Variants in SORCS2 observed in about 807,000 individuals in gnomAD.
SORCS2 encodes the protein VPS10 domain-containing receptor SorCS2.
SORCS2 carries 100 observed loss-of-function variants against 141.6 expected under a neutral mutation model. That is an observed-to-expected ratio of 0.71 (90% CI 0.60 to 0.83). The LOEUF (loss-of-function observed/expected upper bound fraction) is 0.83. Ranked by LOEUF, SORCS2 falls within the 40% of genes least tolerant of loss-of-function variation. The probability of loss-of-function intolerance (pLI) is 0.00; values close to 1 mark genes in which losing one functional copy is unlikely to be tolerated. For synonymous variants in SORCS2, 789 were observed against 676.9 expected, an observed-to-expected ratio of 1.17 and a Z score of -2.57; for missense variants, 1,646 against 1,560.2, an observed-to-expected ratio of 1.05 and a Z score of -0.93.
At chr4:7,535,075 G>C (rs973020014) in intron 3 of SORCS2, among the ~76,000 whole-genome samples, 4 of 152,348 alleles carry the variant, frequency 2.6e-5, no homozygotes, top group African/African-American at 9.6e-5. Flanking sequence ...TTGGACCCCA[G>C]GTGGCAGGAG....
intron 25 of SORCS2, 124 bp from the exon 26 acceptor site, chr4:7,736,945 C>G: frequency 7.8e-7 from 1 of 1,285,936 alleles, no homozygotes; most frequent in Non-Finnish European, 1.1e-6. Flanking sequence ...GGGGTAGGCA[C>G]CTCTGGAGTG....
At chr4:7,693,270 C>T (rs1386732017) in intron 11 of SORCS2, among the ~76,000 whole-genome samples, 2 of 152,180 alleles carry the variant, frequency 1.3e-5, no homozygotes, top group African/African-American at 2.4e-5. Context: ...TGAGTTATAC[C>T]CTGTGAGATC....
At chr4:7,581,226 ATATAAAT>A (rs1716121538) in intron 3 of SORCS2, among the ~76,000 whole-genome samples, 1 of 151,526 alleles carries the variant, frequency 6.6e-6, no homozygotes, top group Non-Finnish European at 1.5e-5. Context: ...GTACAGAAAA[ATATAAAT>A]TATAATATAA....
At chr4:7,323,818 A>G (rs1358189645) in intron 1 of SORCS2, among the ~76,000 whole-genome samples, 1 of 151,082 alleles carries the variant, frequency 6.6e-6, no homozygotes, top group Admixed American at 6.6e-5. Context: ...ATCTCCCAGG[A>G]ATCCTGGGAG....
chr4:7,302,453 G>A (rs1034440153), intron 1 of SORCS2, among the ~76,000 whole-genome samples: 9 of 152,118 alleles, frequency 5.9e-5, no homozygotes, highest in African/African-American at 1.7e-4. Flanking sequence ...TGCCCAGAAC[G>A]CCCTCCCTGC....
intron 2 of SORCS2, among the ~76,000 whole-genome samples, chr4:7,412,728 G>C (rs1156328296): frequency 6.6e-6 from 1 of 151,856 alleles, no homozygotes; most frequent in South Asian, 2.1e-4. Context: ...CCTCCTGCTG[G>C]GTCTCCCCAA....
intron 2 of SORCS2, among the ~76,000 whole-genome samples, chr4:7,448,486 TCTCCC>T: frequency 4.1e-5 from 1 of 24,170 alleles, no homozygotes; most frequent in Non-Finnish European, 1.9e-4. Flanking sequence ...TTCTTCCATG[TCTCCC>T]TTCCTTTCCT....
intron 15 of SORCS2, 39 bp downstream of exon 15, chr4:7,712,892 C>G (rs1383095975): frequency 1.9e-6 from 3 of 1,609,204 alleles, no homozygotes; most frequent in Non-Finnish European, 2.5e-6. Flanking sequence ...AGGTGGGGTA[C>G]AGACTGCAAA....
chr4:7,197,460 A>G (rs1305934664), intron 1 of SORCS2, among the ~76,000 whole-genome samples: 1 of 152,134 alleles, frequency 6.6e-6, no homozygotes, highest in East Asian at 1.9e-4. Context: ...AACAGCTAGG[A>G]TATGAGGGGG....
At chr4:7,408,248 A>G (rs1725096968) in intron 2 of SORCS2, among the ~76,000 whole-genome samples, 1 of 150,100 alleles carries the variant, frequency 6.7e-6, no homozygotes, top group Admixed American at 6.6e-5. Flanking sequence ...TTTCAGATGG[A>G]AAAACTCCCT....
intron 12 of SORCS2, 149 bp from the exon 13 acceptor site, chr4:7,703,131 G>C: frequency 3.3e-6 from 2 of 602,504 alleles, no homozygotes; most frequent in South Asian, 4.3e-5. Flanking sequence ...GGATGGCCCG[G>C]GACATGCAGG....
chr4:7,446,116 A>C (rs1727975744), intron 2 of SORCS2, among the ~76,000 whole-genome samples: 1 of 151,148 alleles, frequency 6.6e-6, no homozygotes. Flanking sequence ...GGTTGAGCTT[A>C]AAGCCAATGA....
rs755807399 is a variant in SORCS2 at position 7,233,397 on chromosome 4, G to A, written c.480+40271G>A. ...CCAGGGCAGACGTAGCCCTCATCACGTCCTCCACAGCCTCCACAGCAGCCC... is the reference window on the plus strand; with the variant it reads ...CCAGGGCAGACGTAGCCCTCATCACATCCTCCACAGCCTCCACAGCAGCCC... On this transcript the variant is annotated intron_variant, in intron 1 of 26. Transcript: ENST00000507866. The surrounding 1 kb of genome is among the most constrained non-coding windows in gnomAD (Gnocchi z 4.5). Among the ~76,000 whole-genome samples the A allele has an allele frequency of 2.6e-5, 4 of 152,146 alleles. No individual in the cohort carries two copies. Among genetic ancestry groups the A allele is most frequent in the Non-Finnish European group, 2.9e-5 (2 of 68,026 alleles).
intron 1 of SORCS2, among the ~76,000 whole-genome samples, chr4:7,338,740 G>A (rs1048717164): frequency 6.6e-6 from 1 of 152,182 alleles, no homozygotes; most frequent in Non-Finnish European, 1.5e-5. Flanking sequence ...TTTATGTGGT[G>A]CCTCCATCAC....
rs995303619 is a variant in SORCS2 at position 7,676,156 on chromosome 4, G to A, written c.1268G>A (p.Arg423His). The A allele has an allele frequency of 1.8e-5, 28 of 1,561,550 alleles. No homozygotes were observed. The highest frequency in any genetic ancestry group is 1.7e-4 in the Middle Eastern group (1 of 6,010). The change falls in exon 9 of 27, where the codon CGC (arginine) becomes CAC (histidine). Residue 423 changes from arginine (R) to histidine (H), a missense_variant. Arg to His is a conservative substitution (Grantham distance 29, BLOSUM62 0). Coordinates refer to ENST00000507866, the MANE Select transcript of SORCS2 (RefSeq NM_020777.3). ...NLYQSDPRGV[R>H]YALVLQDVRS... The stretch of plus-strand genomic sequence containing the variant: ...TACCAGTCGGACCCACGGGGCGTGC[G>A]CTACGCGCTGGTGCTGCAGGACGTG...
chr4:7,616,724 G>C (rs1426576732), intron 3 of SORCS2, among the ~76,000 whole-genome samples: 1 of 152,206 alleles, frequency 6.6e-6, no homozygotes, highest in Non-Finnish European at 1.5e-5. Flanking sequence ...AGAACAACTT[G>C]GCTATTACAG....
intron 21 of SORCS2, among the ~76,000 whole-genome samples, chr4:7,727,704 C>T (rs143561885): frequency 2.3e-3 from 343 of 152,300 alleles, no homozygotes; most frequent in African/African-American, 7.8e-3. Context: ...CCTCAAAGCA[C>T]TTGTCCCTTG....
chr4:7,445,535 G>C (rs2109271351), intron 2 of SORCS2, among the ~76,000 whole-genome samples: 1 of 152,292 alleles, frequency 6.6e-6, no homozygotes, highest in Admixed American at 6.5e-5. Context: ...GGATGGAGCG[G>C]GGCCGAGGGG....
chr4:7,574,327 G>T (rs528937370), intron 3 of SORCS2, among the ~76,000 whole-genome samples: 1 of 152,250 alleles, frequency 6.6e-6, no homozygotes, highest in Non-Finnish European at 1.5e-5. Flanking sequence ...GCAGTGAAGA[G>T]AGGTACTCCC....
Sources: gnomAD v4.1 joint callset for allele counts (sites outside exome capture counted in the v4.1 genomes callset) on GRCh38, gnomAD v4.1.1 for gene constraint, Gnocchi (gnomAD v3.1) non-coding constraint, MANE v1.5 for transcripts, NCBI Gene and HGNC (gene_info 2026-07-23, HGNC 2026-07-21) for gene names.